PPARA: variants seen among roughly 807,000 people sequenced by gnomAD.
PPARA encodes the protein peroxisome proliferator activated receptor alpha, also known as peroxisome proliferator-activated receptor alpha.
In PPARA, 22 loss-of-function variants were observed where a neutral mutation model predicts 42.2. That is an observed-to-expected ratio of 0.52 (90% CI 0.37 to 0.74). PPARA has a LOEUF of 0.74. Ranked by LOEUF, PPARA falls within the 30% of genes least tolerant of loss-of-function variation. The pLI is 0.00. For synonymous variants in PPARA, 242 were observed against 239.3 expected (o/e 1.01, Z -0.10); for missense variants, 465 against 608.2 (o/e 0.76, Z 2.48).
chr22:46,198,346 T>A lies in PPARA; in HGVS notation c.-38T>A. On this transcript the variant is annotated 5_prime_UTR_variant, in exon 4 of 9. The change creates a new upstream start codon in the 5' untranslated region. Coordinates refer to ENST00000407236, the MANE Select transcript of PPARA (RefSeq NM_005036.6). ...ATTGTTCCTCTTTCCTCCCAGTAGC[T>A]TGGAGCTCGGCGGCACAACCAGCAC... is the stretch of plus-strand genomic sequence containing the variant. 1 of 1,590,424 alleles carries A rather than the reference T, an allele frequency of 6.3e-7. No individual in the cohort carries two copies.
rs549840611 is a variant in PPARA, at chr22:46,218,245, T to C, written c.370-18T>C. 16 of 1,614,068 alleles carry C rather than the reference T, an allele frequency of 9.9e-6. No individual in the cohort carries two copies. The highest frequency in any genetic ancestry group is 4.0e-5 in the African/African-American group (3 of 75,026). Reference sequence around the variant, plus strand: ...CAGTGGCCCAGGTCTTTAAATCCACTGTGTATTACCCTCACAGGGCTTCTT... The same window carrying C: ...CAGTGGCCCAGGTCTTTAAATCCACCGTGTATTACCCTCACAGGGCTTCTT... On this transcript the variant is annotated intron_variant, in intron 5 of 8. Transcript: ENST00000407236.
In PPARA at chr22:46,184,811, T is replaced by G. The variant is rs1930437928; in HGVS notation, c.-43+7975T>G. ...TGGAGGTTGCAGTGAGCTGAGATTG[T>G]GTCACTGCACTCCAGCCTACGCGAC... On this transcript the variant is annotated intron_variant, in intron 3 of 8. Transcript: ENST00000407236. This position sits in a 1 kb window ranked among gnomAD's most constrained non-coding sequence, Gnocchi z 4.4. Among the ~76,000 whole-genome samples, 1 of 152,302 alleles carries G rather than the reference T, an allele frequency of 6.6e-6. No homozygotes were observed. The highest frequency in any genetic ancestry group is 1.9e-4 in the East Asian group (1 of 5,188).
At position 46,167,419 on chromosome 22, in the gene PPARA, G is replaced by A. The variant is rs1927240807; in HGVS notation, c.-126-9334G>A. The stretch of plus-strand genomic sequence containing the variant: ...GTCATCTTGCACTTTGAGAGGCCAA[G>A]GCGGGTGGATCACTTGGCCCCAGGA... On this transcript the variant is annotated intron_variant, in intron 2 of 8. Coordinates refer to ENST00000407236, the MANE Select transcript of PPARA (RefSeq NM_005036.6). The surrounding 1 kb of genome is among the most constrained non-coding windows in gnomAD (Gnocchi z 4.1). 6.6e-6 allele frequency among the ~76,000 whole-genome samples: 1 copy of A among 152,010 alleles called. No individual in the cohort carries two copies. Among genetic ancestry groups the A allele is most frequent in the African/African-American group, 2.4e-5 (1 of 41,378 alleles).
At position 46,227,748 on chromosome 22, in the gene PPARA, ATG is replaced by A. The variant is rs1375035633; in HGVS notation, c.712-4041_712-4040del. On this transcript the variant is annotated intron_variant, in intron 7 of 8. Coordinates refer to ENST00000407236, the MANE Select transcript of PPARA (RefSeq NM_005036.6). The surrounding 1 kb of genome is among the most constrained non-coding windows in gnomAD (Gnocchi z 4.3). ...CCTCACGCTGTTTAAAACCTTTATA[ATG>A]TGCTTTATTTCATTTATTTGAAATG... Among the ~76,000 whole-genome samples the A allele has an allele frequency of 6.6e-6, 1 of 152,142 alleles. No individual in the cohort carries two copies. The highest frequency in any genetic ancestry group is 1.5e-5 in the Non-Finnish European group (1 of 68,030).
In PPARA at chr22:46,161,223, C is replaced by T. The variant is rs1479070831; in HGVS notation, c.-127+9253C>T. 6.6e-6 allele frequency among the ~76,000 whole-genome samples: 1 copy of T among 152,132 alleles called. No individual in the cohort carries two copies. Among genetic ancestry groups the T allele is most frequent in the Non-Finnish European group, 1.5e-5 (1 of 68,032 alleles). Reference sequence around the variant, plus strand: ...TGGAATGAATGAATTCAAATGTGGGCTTTCTTAGTAGATTAAATCATTTTC... The same window carrying T: ...TGGAATGAATGAATTCAAATGTGGGTTTTCTTAGTAGATTAAATCATTTTC... On this transcript the variant is annotated intron_variant, in intron 2 of 8. Transcript: ENST00000407236. This position sits in a 1 kb window ranked among gnomAD's most constrained non-coding sequence, Gnocchi z 4.8.
rs1011417836 is a variant in PPARA at position 46,236,657 on chromosome 22, T to C, written c.*1277T>C. 1.3e-5 allele frequency: 2 copies of C among 152,688 alleles called. No individual in the cohort carries two copies. The highest frequency in any genetic ancestry group is 4.8e-5 in the African/African-American group (2 of 41,466). The allele number at this position is 152,688 out of a possible 1,614,324, so 9.5% of individuals were successfully genotyped here. A position where few individuals can be genotyped will look rare whatever the true frequency, so the allele number is the denominator to read the frequency against. On this transcript the variant is annotated 3_prime_UTR_variant, in exon 9 of 9. Transcript: ENST00000407236. This position sits in a 1 kb window ranked among gnomAD's most constrained non-coding sequence, Gnocchi z 5.2. ...AGATATGATGTTTTATTGTTTTAAC[T>C]CTTGGTGACAGTAGATGCTCTCTGG...
chr22:46,225,195 G>A lies in PPARA; in HGVS notation c.711+5181G>A, dbSNP rs992471097. Among the ~76,000 whole-genome samples the A allele has an allele frequency of 6.6e-6, 1 of 152,162 alleles. No homozygotes were observed. Among genetic ancestry groups the A allele is most frequent in the African/African-American group, 2.4e-5 (1 of 41,428 alleles). On this transcript the variant is annotated intron_variant, in intron 7 of 8. Coordinates refer to ENST00000407236, the MANE Select transcript of PPARA (RefSeq NM_005036.6). This position sits in a 1 kb window ranked among gnomAD's most constrained non-coding sequence, Gnocchi z 4.1. ...AATGTCTGTGTCCATCTGGACACTG[G>A]GACTGTTTGAGCCCCTGAGATTTCA...
chr22:46,213,403 CT>C (rs61615727), intron 4 of PPARA, among the ~76,000 whole-genome samples: 3,379 of 134,760 alleles, frequency 0.025, 44 homozygotes, highest in African/African-American at 0.053. Context: ...CATTTTCTTT[CT>C]TTTTTTTTTT....
rs1931846493 is a variant in PPARA at position 46,193,612 on chromosome 22, AT to A, written c.-42-4729del. 1.3e-5 allele frequency among the ~76,000 whole-genome samples: 2 copies of A among 152,178 alleles called. No homozygotes were observed. Among genetic ancestry groups the A allele is most frequent in the Admixed American group, 1.3e-4 (2 of 15,274 alleles). ...TTTAAATAATTTTTAAAATAAAAAAATAAATTGTAAGGGAAAGAAAATTATG... is the reference window on the plus strand; with the variant it reads ...TTTAAATAATTTTTAAAATAAAAAAAAAATTGTAAGGGAAAGAAAATTATG... On this transcript the variant is annotated intron_variant, in intron 3 of 8. Transcript: ENST00000407236. This position sits in a 1 kb window ranked among gnomAD's most constrained non-coding sequence, Gnocchi z 5.3.
rs1287221164 is a variant in PPARA at position 46,234,998 on chromosome 22, T to C, written c.1160-135T>C. Reference sequence around the variant, plus strand: ...AACCTATGTCTATCTTCCAGTCAAGTTGACAATATCTAAAGGCAGCTCAGT... The same window carrying C: ...AACCTATGTCTATCTTCCAGTCAAGCTGACAATATCTAAAGGCAGCTCAGT... On this transcript the variant is annotated intron_variant, in intron 8 of 8. Transcript: ENST00000407236. The surrounding 1 kb of genome is among the most constrained non-coding windows in gnomAD (Gnocchi z 5.8). 32 of 1,235,284 alleles carry C rather than the reference T, an allele frequency of 2.6e-5. No individual in the cohort carries two copies. Among genetic ancestry groups the C allele is most frequent in the African/African-American group, 7.5e-5 (5 of 66,938 alleles). The allele number at this position is 1,235,284 out of a possible 1,614,324, so 76.5% of individuals were successfully genotyped here. A position where few individuals can be genotyped will look rare whatever the true frequency, so the allele number is the denominator to read the frequency against.
chr22:46,194,632 T>C (rs1163150532), intron 3 of PPARA, among the ~76,000 whole-genome samples: 1 of 147,048 alleles, frequency 6.8e-6, no homozygotes, highest in Non-Finnish European at 1.5e-5. Context: ...AGGGCAGTGG[T>C]GCAATCTCAG....
At chr22:46,218,462 A>G (rs1295322159) in intron 6 of PPARA, 61 bp downstream of exon 6, 5 of 1,603,616 alleles carry the variant, frequency 3.1e-6, no homozygotes, top group Non-Finnish European at 4.3e-6. Context: ...TCCTTGCTCC[A>G]AGGGAACAGA....
intron 2 of PPARA, among the ~76,000 whole-genome samples, chr22:46,172,707 AG>A (rs2147203314): frequency 6.6e-6 from 1 of 152,350 alleles, no homozygotes; most frequent in South Asian, 2.1e-4. Flanking sequence ...CGGAGGTAAA[AG>A]ACCGAGGTCA....
chr22:46,157,005 A>G (rs1435492764), intron 2 of PPARA, among the ~76,000 whole-genome samples: 1 of 152,094 alleles, frequency 6.6e-6, no homozygotes, highest in African/African-American at 2.4e-5. Flanking sequence ...AGGCCTCTTC[A>G]TCTTGAAGAG....
intron 4 of PPARA, among the ~76,000 whole-genome samples, chr22:46,207,676 TA>T (rs374319065): frequency 0.015 from 1,255 of 83,578 alleles, 79 homozygotes; most frequent in African/African-American, 0.031. Context: ...TTATTATTAT[TA>T]TTTTTTTTTT....
rs1008124012 is a variant in PPARA, at chr22:46,216,667, C to T, written c.369+1334C>T. On this transcript the variant is annotated intron_variant, in intron 5 of 8. Coordinates refer to ENST00000407236, the MANE Select transcript of PPARA (RefSeq NM_005036.6). The surrounding 1 kb of genome is among the most constrained non-coding windows in gnomAD (Gnocchi z 4.5). ...CAGGGGCTTCTCCACCTGATTCAAG[C>T]GACAGGAACCCCCTGTGCATCTTCA... Among the ~76,000 whole-genome samples, 12 of 152,306 alleles carry T rather than the reference C, an allele frequency of 7.9e-5. No homozygotes were observed. The highest frequency in any genetic ancestry group is 2.0e-4 in the Admixed American group (3 of 15,302).
chr22:46,205,219 C>T (rs1054990304), intron 4 of PPARA, among the ~76,000 whole-genome samples: 1 of 150,554 alleles, frequency 6.6e-6, no homozygotes, highest in African/African-American at 2.4e-5. Context: ...ATGGATACTT[C>T]ATTTATTTAT....
intron 3 of PPARA, among the ~76,000 whole-genome samples, chr22:46,185,767 C>A (rs904980098): frequency 6.7e-6 from 1 of 148,578 alleles, no homozygotes; most frequent in African/African-American, 2.5e-5. Context: ...TGGTGGCAGC[C>A]GCCTGTAATT....
In PPARA at chr22:46,185,894, C is replaced by CAAAAAAAAAAAAAAAAAAAAAA. The variant is rs1279499029; in HGVS notation, c.-43+9058_-43+9059insAAAAAAAAAAAAAAAAAAAAAA. ...TGGGTGACAAAGTGAGACTCCGTCTCCAAAAAAAAAAAAAAAAAAAAAATA... is the reference window on the plus strand; with the variant it reads ...TGGGTGACAAAGTGAGACTCCGTCTCAAAAAAAAAAAAAAAAAAAAAACAAAAAAAAAAAAAAAAAAAAAATA... On this transcript the variant is annotated intron_variant, in intron 3 of 8. Transcript: ENST00000407236. Among the ~76,000 whole-genome samples the CAAAAAAAAAAAAAAAAAAAAAA allele has an allele frequency of 8.6e-4, 18 of 20,862 alleles. 4 individuals are homozygous for CAAAAAAAAAAAAAAAAAAAAAA. Among genetic ancestry groups the CAAAAAAAAAAAAAAAAAAAAAA allele is most frequent in the Admixed American group, 3.1e-3 (4 of 1,302 alleles). The allele number at this position is 20,862 out of a possible 152,430, so 13.7% of individuals were successfully genotyped here. A position where few individuals can be genotyped will look rare whatever the true frequency, so the allele number is the denominator to read the frequency against.
Sources: allele counts gnomAD v4.1 joint callset (sites outside exome capture counted in the v4.1 genomes callset), GRCh38; gene constraint gnomAD v4.1.1; non-coding constraint Gnocchi (gnomAD v3.1); transcripts MANE v1.5; gene names NCBI Gene and HGNC (gene_info 2026-07-23, HGNC 2026-07-21).